MTFP1: variants seen among roughly 807,000 people sequenced by gnomAD.
MTFP1 encodes the protein mitochondrial fission process 1.
A neutral mutation model predicts 17.1 loss-of-function variants in MTFP1; 19 were observed. The ratio of observed to expected loss-of-function variants is 1.11; its 90% CI spans 0.77 to 1.63. The LOEUF (loss-of-function observed/expected upper bound fraction) is 1.63, where lower values mean the gene tolerates loss of function less well. MTFP1 is among the 40% of genes most tolerant of loss of function. MTFP1 has a pLI of 0.00. For synonymous variants in MTFP1, 89 were observed against 95.2 expected (o/e 0.93, Z 0.38); for missense variants, 221 against 226.2 (o/e 0.98, Z 0.15).
chr22:30,426,205 G>A (rs1239164165), intron 1 of MTFP1, among the ~76,000 whole-genome samples: 1 of 152,158 alleles, frequency 6.6e-6, no homozygotes, highest in Admixed American at 6.5e-5. Flanking sequence ...GTGGAGTCGG[G>A]ATCTCCACTC....
At chr22:30,428,378 C>T (rs901723691) in intron 3 of MTFP1, 84 bp from the exon 4 acceptor site, 4 of 1,214,082 alleles carry the variant, frequency 3.3e-6, no homozygotes, top group East Asian at 4.9e-5. Flanking sequence ...TCTAAGCGCC[C>T]CTTTCCCTAA....
At chr22:30,428,183 T>C (rs879719595) in intron 3 of MTFP1, among the ~76,000 whole-genome samples, 1 of 152,164 alleles carries the variant, frequency 6.6e-6, no homozygotes, top group Admixed American at 6.5e-5. Flanking sequence ...GCAGTCTTTC[T>C]CCAGGAGAAG....
chr22:30,426,030 G>A, intron 1 of MTFP1, 84 bp downstream of exon 1: 1 of 1,255,274 alleles, frequency 8.0e-7, no homozygotes, highest in Non-Finnish European at 1.1e-6. Flanking sequence ...CCGGGGCCTG[G>A]AGGAGGCGGG....
chr22:30,428,733 G>C lies in MTFP1; in HGVS notation c.*199G>C. 6.6e-7 allele frequency: 1 copy of C among 1,509,686 alleles called. No homozygotes were observed. The highest frequency in any genetic ancestry group is 1.1e-5 in the South Asian group (1 of 87,760). The allele number at this position is 1,509,686 out of a possible 1,614,324, so 93.5% of individuals were successfully genotyped here. On this transcript the variant is annotated 3_prime_UTR_variant, in exon 4 of 4. Transcript: ENST00000266263. ...AGTCACAGAAGGGCAGGACCTGAAC[G>C]CTGTCTGCTTCCCTGGAATCCAAGA...
intron 2 of MTFP1, 122 bp downstream of exon 2, chr22:30,426,966 CA>C: frequency 6.7e-7 from 1 of 1,502,996 alleles, no homozygotes; most frequent in East Asian, 2.3e-5. Flanking sequence ...TTGCCTAGTG[CA>C]GTCCATAGAC....
intron 2 of MTFP1, 73 bp from the exon 3 acceptor site, chr22:30,427,098 C>T (rs1263115828): frequency 3.9e-6 from 6 of 1,538,572 alleles, no homozygotes; most frequent in Non-Finnish European, 5.4e-6. Flanking sequence ...CCCTCCCGGT[C>T]TAGCCTCGTG....
Position 30,428,445 on chromosome 22 carries a change from C to A in MTFP1, c.429-17C>A. 6.2e-7 allele frequency: 1 copy of A among 1,611,936 alleles called. No individual in the cohort carries two copies. Among genetic ancestry groups the A allele is most frequent in the South Asian group, 1.1e-5 (1 of 91,000 alleles). ...ACACCCTTGGTCACCTGCTCACCAC[C>A]CTTCCACTCCCTACAGGTCGGTGGA... On this transcript the variant is annotated splice_polypyrimidine_tract_variant and intron_variant, in intron 3 of 3. Coordinates refer to ENST00000266263, the MANE Select transcript of MTFP1 (RefSeq NM_016498.5).
intron 2 of MTFP1, 48 bp downstream of exon 2, chr22:30,426,892 T>C (rs1934680535): frequency 1.2e-6 from 2 of 1,600,170 alleles, no homozygotes; most frequent in Admixed American, 3.3e-5. Flanking sequence ...TCTCTTCTTG[T>C]GTGGTTCAGT....
In MTFP1 at chr22:30,428,650, G is replaced by A. The variant is rs761241585; in HGVS notation, c.*116G>A. ...TGTCCAAAGACCCTGGCACCTGGGTGGGTTTGAGCTGGACAGAAGCTTAGA... is the reference window on the plus strand; with the variant it reads ...TGTCCAAAGACCCTGGCACCTGGGTAGGTTTGAGCTGGACAGAAGCTTAGA... On this transcript the variant is annotated 3_prime_UTR_variant, in exon 4 of 4. Transcript: ENST00000266263. 155 of 1,614,026 alleles carry A rather than the reference G, an allele frequency of 9.6e-5. No homozygotes were observed. The highest frequency in any genetic ancestry group is 1.3e-4 in the Non-Finnish European group (153 of 1,180,020).
At position 30,425,924 on chromosome 22, in the gene MTFP1, G is replaced by C. The variant is rs1934658984; in HGVS notation, c.45G>C (p.Arg15=). Residue 15 remains arginine, a synonymous_variant, in exon 1 of 4, where the codon CGG becomes CGC. Transcript: ENST00000266263. The part of the protein sequence containing the change: ...QPRGAERDLY[R]DTWVRYLGYA... ...GGGGCGCAGAGCGCGATCTCTACCG[G>C]GACACGTGGGTGCGATACCTGGGTG... 1 of 1,532,230 alleles carries C rather than the reference G, an allele frequency of 6.5e-7. No homozygotes were observed. Among genetic ancestry groups the C allele is most frequent in the African/African-American group, 1.4e-5 (1 of 71,260 alleles). 94.9% of individuals were successfully genotyped at this position (1,532,230 alleles called of 1,614,324 possible).
chr22:30,427,280 G>A lies in MTFP1; in HGVS notation c.305G>A (p.Arg102His), dbSNP rs147279727. ...SVAIPGFTIN[R>H]VCAASLYVLG... ...GCCATTCCGGGCTTCACCATCAACC[G>A]CGTGTGTGCTGCCTCTCTCTATGTC... The change falls in exon 3 of 4, where the codon CGC becomes CAC. Residue 102 changes from arginine to histidine, a missense_variant. Arg to His is a conservative substitution (Grantham distance 29). Transcript: ENST00000266263. 46 of 1,613,934 alleles carry A rather than the reference G, an allele frequency of 2.9e-5. No homozygotes were observed. In the Middle Eastern group the frequency reaches 6.6e-4, roughly 23 times the overall value.
At position 30,425,817 on chromosome 22, in the gene MTFP1, G is replaced by T; in HGVS notation, c.-63G>T. The T allele has an allele frequency of 1.4e-6, 2 of 1,470,012 alleles. No individual in the cohort carries two copies. The highest frequency in any genetic ancestry group is 1.8e-6 in the Non-Finnish European group (2 of 1,105,572). The allele number at this position is 1,470,012 out of a possible 1,614,324, so 91.1% of individuals were successfully genotyped here. On this transcript the variant is annotated 5_prime_UTR_variant, in exon 1 of 4. Coordinates refer to ENST00000266263, the MANE Select transcript of MTFP1 (RefSeq NM_016498.5). ...TCCCGGCCGGGCAGACCCAAGTGCC[G>T]GCGGCGGAGACTGCAGTGGAGCCAG...
At chr22:30,426,582 G>A in intron 1 of MTFP1, 135 bp from the exon 2 acceptor site, 1 of 1,178,858 alleles carries the variant, frequency 8.5e-7, no homozygotes, top group Admixed American at 2.4e-5. Flanking sequence ...CTCGGAAAGG[G>A]AGGCTCAGAG....
In MTFP1 at chr22:30,428,605, G is replaced by T; in HGVS notation, c.*71G>T. On this transcript the variant is annotated 3_prime_UTR_variant, in exon 4 of 4. Coordinates refer to ENST00000266263, the MANE Select transcript of MTFP1 (RefSeq NM_016498.5). ...CAACCTCCTACTCCTGCCAGGGAAT[G>T]TGGACACCTGGCTCCCTGGTGTCCA... The T allele has an allele frequency of 6.2e-7, 1 of 1,614,232 alleles. No homozygotes were observed.
In MTFP1 at chr22:30,428,993, G is replaced by A. The variant is rs959079515; in HGVS notation, c.*459G>A. 6 of 365,244 alleles carry A rather than the reference G, an allele frequency of 1.6e-5. No individual in the cohort carries two copies. The highest frequency in any genetic ancestry group is 1.2e-4 in the African/African-American group (6 of 48,120). The allele number at this position is 365,244 out of a possible 1,614,324, so 22.6% of individuals were successfully genotyped here. A position where few individuals can be genotyped will look rare whatever the true frequency, so the allele number is the denominator to read the frequency against. Reference sequence around the variant, plus strand: ...AGAAACTCAGGAGTGCAGTACCAGGGACACCTCAGGACAGATTCTCTGGCC... The same window carrying A: ...AGAAACTCAGGAGTGCAGTACCAGGAACACCTCAGGACAGATTCTCTGGCC... On this transcript the variant is annotated 3_prime_UTR_variant, in exon 4 of 4. Transcript: ENST00000266263.
chr22:30,425,791 G>T lies in MTFP1; in HGVS notation c.-89G>T. The T allele has an allele frequency of 1.5e-6, 2 of 1,352,134 alleles. No homozygotes were observed. Among genetic ancestry groups the T allele is most frequent in the South Asian group, 1.5e-5 (1 of 68,266 alleles). The allele number at this position is 1,352,134 out of a possible 1,614,324, so 83.8% of individuals were successfully genotyped here. On this transcript the variant is annotated 5_prime_UTR_variant, in exon 1 of 4. Coordinates refer to ENST00000266263, the MANE Select transcript of MTFP1 (RefSeq NM_016498.5). ...TCCTTCGGCGCGGGACTTTCGGCGG[G>T]TCCCGGCCGGGCAGACCCAAGTGCC...
Position 30,428,490 on chromosome 22 carries a change from C to A in MTFP1, c.457C>A (p.Leu153Met). The change falls in exon 4 of 4, where the codon CTG becomes ATG. Residue 153 changes from leucine (L) to methionine (M), a missense_variant. Transcript: ENST00000266263. ...RSVDFLLDSS[L>M]RKLYPTVGKP... ...GGTGGATTTCCTCCTGGACTCCAGC[C>A]TGCGCAAGCTCTACCCAACAGTGGG... The A allele has an allele frequency of 6.2e-7, 1 of 1,614,170 alleles. No homozygotes were observed. Among genetic ancestry groups the A allele is most frequent in the Non-Finnish European group, 8.5e-7 (1 of 1,180,006 alleles).
Position 30,426,833 on chromosome 22 carries a change from A to G in MTFP1, c.184A>G (p.Lys62Glu). The change falls in exon 2 of 4, where the codon AAG becomes GAG. Residue 62 changes from lysine to glutamate, a missense_variant. By Grantham distance (56) the Lys-to-Glu change is moderately conservative. Transcript: ENST00000266263. ...VLADAIDKGK[K>E]AGEVPSPEAG... is the part of the protein sequence containing the mutation. The stretch of plus-strand genomic sequence containing the variant: ...GGCGGATGCCATTGACAAAGGCAAG[A>G]AGGCTGGAGAGGTGAGTGTTAGCCT... 1 of 1,611,452 alleles carries G rather than the reference A, an allele frequency of 6.2e-7. No individual in the cohort carries two copies. The highest frequency in any genetic ancestry group is 8.5e-7 in the Non-Finnish European group (1 of 1,179,984).
At chr22:30,426,628 G>C in intron 1 of MTFP1, 89 bp from the exon 2 acceptor site, 1 of 1,538,938 alleles carries the variant, frequency 6.5e-7, no homozygotes, top group Non-Finnish European at 8.8e-7. Context: ...CCCAGGGACT[G>C]CTTAGCTGGC....
Sources: allele counts gnomAD v4.1 joint callset (sites outside exome capture counted in the v4.1 genomes callset), GRCh38; gene constraint gnomAD v4.1.1; transcripts MANE v1.5; gene names NCBI Gene and HGNC (gene_info 2026-07-23, HGNC 2026-07-21).